EMILIN2: variants seen among roughly 807,000 people sequenced by gnomAD.
EMILIN2 encodes the protein EMILIN-2.
In EMILIN2, 71 loss-of-function variants were observed where a neutral mutation model predicts 87.1. The observed-to-expected ratio is 0.82, with a 90% CI of 0.67 to 0.99. EMILIN2 has a LOEUF of 0.99. Ranked by LOEUF, EMILIN2 falls within the 50% of genes least tolerant of loss-of-function variation. The probability of loss-of-function intolerance (pLI) is 0.00; values close to 1 mark genes in which losing one functional copy is unlikely to be tolerated. For synonymous variants in EMILIN2, 581 were observed against 563.4 expected, an observed-to-expected ratio of 1.03 and a Z score of -0.44; for missense variants, 1,407 against 1,371.8, an observed-to-expected ratio of 1.03 and a Z score of -0.40.
chr18:2,871,051 T>C (rs1395809158), intron 2 of EMILIN2, among the ~76,000 whole-genome samples: 1 of 152,218 alleles, frequency 6.6e-6, no homozygotes, highest in African/African-American at 2.4e-5. Context: ...TTGTTTTAAC[T>C]TGATCACCTC....
intron 7 of EMILIN2, among the ~76,000 whole-genome samples, chr18:2,911,057 G>A (rs539218516): frequency 1.3e-5 from 2 of 152,308 alleles, no homozygotes; most frequent in South Asian, 2.1e-4. Context: ...TGCCTCCTCA[G>A]AAGAAAGAAT....
chr18:2,909,960 T>TGC (rs2076933070), intron 7 of EMILIN2, 141 bp downstream of exon 7: 2 of 1,134,140 alleles, frequency 1.8e-6, no homozygotes, highest in Non-Finnish European at 2.5e-6. Context: ...CGAGTGGGCC[T>TGC]GCACTCCTCT....
chr18:2,881,566 C>T (rs553281428), intron 2 of EMILIN2, among the ~76,000 whole-genome samples: 3 of 152,318 alleles, frequency 2.0e-5, no homozygotes, highest in Non-Finnish European at 4.4e-5. Flanking sequence ...GGTCACAGCC[C>T]GCTGCTGGGC....
rs371804313 is a variant in EMILIN2 at position 2,902,339 on chromosome 18, T to C, written c.2360-4444T>C. Among the ~76,000 whole-genome samples, 14 of 152,286 alleles carry C rather than the reference T, an allele frequency of 9.2e-5. No individual in the cohort carries two copies. The East Asian group carries it at 2.7e-3, about 29-fold the overall frequency. Reference sequence around the variant, plus strand: ...CCCTGGGGATGGCAGAGAATTAAGATGCTCAAGTACTCATCAGTCAGCCAG... The same window carrying C: ...CCCTGGGGATGGCAGAGAATTAAGACGCTCAAGTACTCATCAGTCAGCCAG... On this transcript the variant is annotated intron_variant, in intron 4 of 7. Coordinates refer to ENST00000254528, the MANE Select transcript of EMILIN2 (RefSeq NM_032048.3).
At chr18:2,899,607 C>T (rs1367225192) in intron 4 of EMILIN2, among the ~76,000 whole-genome samples, 2 of 152,088 alleles carry the variant, frequency 1.3e-5, no homozygotes, top group African/African-American at 4.8e-5. Flanking sequence ...TGGGTTCAAG[C>T]AATTCTCCTG....
In EMILIN2 at chr18:2,862,714, A is replaced by G. The variant is rs547401451; in HGVS notation, c.257+14783A>G. Among the ~76,000 whole-genome samples, 8 of 152,292 alleles carry G rather than the reference A, an allele frequency of 5.3e-5. No individual in the cohort carries two copies. In the South Asian group the frequency reaches 8.3e-4, roughly 16 times the overall value. On this transcript the variant is annotated intron_variant, in intron 2 of 7. Transcript: ENST00000254528. ...TGTTGTGTCTCTGCCAGGTTTTGGT[A>G]TCAGGATGATGCTGGCCTCATAAAA...
intron 2 of EMILIN2, among the ~76,000 whole-genome samples, chr18:2,874,771 A>AT (rs142266977): frequency 0.15 from 23,504 of 152,204 alleles, 2,576 homozygotes; most frequent in East Asian, 0.63. Flanking sequence ...TCAAATCTAG[A>AT]TTTTTTAAAA....
rs777623155 is a variant in EMILIN2, at chr18:2,869,786, TTG to T, written c.258-15152_258-15151del. ...GATTCCTCTGTGTGTGTGTGTGTGT[TTG>T]TGTGTGTGTGTGTGTGTGTGTGTGT... On this transcript the variant is annotated intron_variant, in intron 2 of 7. Coordinates refer to ENST00000254528, the MANE Select transcript of EMILIN2 (RefSeq NM_032048.3). Among the ~76,000 whole-genome samples, 196 of 58,792 alleles carry T rather than the reference TTG, an allele frequency of 3.3e-3. 1 individual carries two copies. The highest frequency in any genetic ancestry group is 7.2e-3 in the Admixed American group (36 of 4,982). 38.6% of individuals were successfully genotyped at this position (58,792 alleles called of 152,430 possible).
At chr18:2,910,897 T>C (rs2144078611) in intron 7 of EMILIN2, among the ~76,000 whole-genome samples, 1 of 152,310 alleles carries the variant, frequency 6.6e-6, no homozygotes, top group South Asian at 2.1e-4. Context: ...GCTTGGCATC[T>C]AAGGTCAGGG....
In EMILIN2 at chr18:2,914,384, C is replaced by G. The variant is rs563181258; in HGVS notation, c.*980C>G. 6.6e-6 allele frequency: 1 copy of G among 152,216 alleles called. No individual in the cohort carries two copies. Among genetic ancestry groups the G allele is most frequent in the African/African-American group, 2.4e-5 (1 of 41,450 alleles). The allele number at this position is 152,216 out of a possible 1,614,324, so 9.4% of individuals were successfully genotyped here. On this transcript the variant is annotated 3_prime_UTR_variant, in exon 8 of 8. Coordinates refer to ENST00000254528, the MANE Select transcript of EMILIN2 (RefSeq NM_032048.3). ...GGCTAACTTGATCCCTGCTGCTTCA[C>G]TGCACCAATCTCCAGCAGACACAGC...
At chr18:2,881,663 G>C (rs894701107) in intron 2 of EMILIN2, among the ~76,000 whole-genome samples, 2 of 152,212 alleles carry the variant, frequency 1.3e-5, no homozygotes, top group African/African-American at 2.4e-5. Flanking sequence ...CTTCATGCAG[G>C]CCTGGGCCGT....
At chr18:2,896,297 TC>T (rs375964469) in intron 4 of EMILIN2, among the ~76,000 whole-genome samples, 3 of 152,226 alleles carry the variant, frequency 2.0e-5, no homozygotes, top group African/African-American at 7.2e-5. Flanking sequence ...TGCCTCAGCC[TC>T]CCAAGTAGCT....
Position 2,847,348 on chromosome 18 carries a change from C to T in EMILIN2, c.134+26C>T. 1 of 1,298,488 alleles carries T rather than the reference C, an allele frequency of 7.7e-7. No individual in the cohort carries two copies. Among genetic ancestry groups the T allele is most frequent in the Non-Finnish European group, 9.8e-7 (1 of 1,025,516 alleles). The allele number at this position is 1,298,488 out of a possible 1,614,324, so 80.4% of individuals were successfully genotyped here. A position where few individuals can be genotyped will look rare whatever the true frequency, so the allele number is the denominator to read the frequency against. The stretch of plus-strand genomic sequence containing the variant: ...GTAAGTGCGCGCCCCTTGGCTGGCC[C>T]CAAACCGCCTACCCCTCCCCGGCCC... On this transcript the variant is annotated intron_variant, in intron 1 of 7. Coordinates refer to ENST00000254528, the MANE Select transcript of EMILIN2 (RefSeq NM_032048.3). The surrounding 1 kb of genome is among the most constrained non-coding windows in gnomAD (Gnocchi z 4.5).
At chr18:2,861,897 CTT>C (rs2076662930) in intron 2 of EMILIN2, among the ~76,000 whole-genome samples, 1 of 152,192 alleles carries the variant, frequency 6.6e-6, no homozygotes, top group African/African-American at 2.4e-5. Context: ...TTTGTATCCT[CTT>C]TTATTTCATT....
At chr18:2,871,030 T>C (rs61517690) in intron 2 of EMILIN2, among the ~76,000 whole-genome samples, 12,436 of 152,198 alleles carry the variant, frequency 0.082, 1,672 homozygotes, top group African/African-American at 0.28. Context: ...CTCTAATGAC[T>C]TTGTTTTAAC....
At position 2,914,691 on chromosome 18, in the gene EMILIN2, C is replaced by T. The variant is rs1450732667; in HGVS notation, c.*1287C>T. The stretch of plus-strand genomic sequence containing the variant: ...AATCAAGAGCTGCAGTTTCCTTGGC[C>T]CACAAGATGCTCTTATGCTGTAAAA... On this transcript the variant is annotated 3_prime_UTR_variant, in exon 8 of 8. Coordinates refer to ENST00000254528, the MANE Select transcript of EMILIN2 (RefSeq NM_032048.3). The T allele has an allele frequency of 1.3e-5, 2 of 152,076 alleles. No homozygotes were observed. Among genetic ancestry groups the T allele is most frequent in the African/African-American group, 4.8e-5 (2 of 41,382 alleles). 9.4% of individuals were successfully genotyped at this position (152,076 alleles called of 1,614,324 possible).
At chr18:2,858,915 C>T (rs1386401224) in intron 2 of EMILIN2, among the ~76,000 whole-genome samples, 1 of 152,004 alleles carries the variant, frequency 6.6e-6, no homozygotes, top group African/African-American at 2.4e-5. Context: ...GGATTACAGG[C>T]GTGAGCCACC....
intron 2 of EMILIN2, among the ~76,000 whole-genome samples, chr18:2,853,313 C>G (rs1422122290): frequency 1.3e-5 from 2 of 152,152 alleles, no homozygotes; most frequent in African/African-American, 2.4e-5. Flanking sequence ...GCCACCCCCC[C>G]AGCCCTTGGG....
intron 2 of EMILIN2, among the ~76,000 whole-genome samples, chr18:2,884,184 C>A (rs1416496838): frequency 6.6e-6 from 1 of 152,158 alleles, no homozygotes; most frequent in Non-Finnish European, 1.5e-5. Flanking sequence ...TCTCGATCTC[C>A]TGACCTCGTG....
Sources: allele counts gnomAD v4.1 joint callset (sites outside exome capture counted in the v4.1 genomes callset), GRCh38; gene constraint gnomAD v4.1.1; non-coding constraint Gnocchi (gnomAD v3.1); transcripts MANE v1.5; gene names NCBI Gene and HGNC (gene_info 2026-07-23, HGNC 2026-07-21).